The following SAMMSON variants were observed in gnomAD, a reference collection of about 807,000 sequenced individuals.
SAMMSON encodes long intergenic non-protein coding RNA 1212.
chr3:70,318,604 C>A (rs957122305), intron 7 of SAMMSON, among the ~76,000 whole-genome samples: 10 of 151,908 alleles, frequency 6.6e-5, no homozygotes, highest in African/African-American at 2.2e-4. Flanking sequence ...TTTCTGGCAA[C>A]TCCAACATCT....
intron 4 of SAMMSON, among the ~76,000 whole-genome samples, chr3:70,160,723 G>A (rs533636888): frequency 1.5e-4 from 23 of 151,974 alleles, no homozygotes; most frequent in East Asian, 7.8e-4. Flanking sequence ...TTCTGAAACC[G>A]CAACAAGGAA....
chr3:70,407,006 G>A (rs894164679), intron 2 of SAMMSON, among the ~76,000 whole-genome samples: 2 of 152,178 alleles, frequency 1.3e-5, no homozygotes, highest in Non-Finnish European at 2.9e-5. Context: ...ATGGTGGGAG[G>A]CGAAAGGCAC....
At chr3:70,136,840 A>AGTTTT (rs58221785) in intron 4 of SAMMSON, among the ~76,000 whole-genome samples, 149,817 of 152,196 alleles carry the variant, frequency 0.98, 73,787 homozygotes, top group East Asian at 1. Context: ...ATGTCATTGA[A>AGTTTT]GTTTTGATCT....
chr3:70,268,703 G>A (rs1028487529), intron 6 of SAMMSON, among the ~76,000 whole-genome samples: 6 of 152,072 alleles, frequency 3.9e-5, no homozygotes, highest in Non-Finnish European at 5.9e-5. Flanking sequence ...ATTTTTAAGA[G>A]CTTCTTTTTA....
At chr3:70,054,061 AC>A (rs1278886426) in intron 3 of SAMMSON, among the ~76,000 whole-genome samples, 1 of 152,134 alleles carries the variant, frequency 6.6e-6, no homozygotes, top group East Asian at 1.9e-4. Flanking sequence ...GCAAACACTT[AC>A]CATTTAATTT....
chr3:70,360,345 G>A (rs557105521), intron 9 of SAMMSON, among the ~76,000 whole-genome samples: 1 of 152,066 alleles, frequency 6.6e-6, no homozygotes, highest in African/African-American at 2.4e-5. Flanking sequence ...CAATAAGGAC[G>A]GGACCTTCTT....
At chr3:70,067,476 ATTCT>A (rs1336657153) in intron 3 of SAMMSON, among the ~76,000 whole-genome samples, 6 of 152,102 alleles carry the variant, frequency 3.9e-5, no homozygotes, top group Non-Finnish European at 5.9e-5. Context: ...TTGTACCAGA[ATTCT>A]TATATACCCC....
At chr3:70,390,274 T>A (rs2106756773), downstream of SAMMSON, among the ~76,000 whole-genome samples, 1 of 152,306 alleles carries the variant, frequency 6.6e-6, no homozygotes, top group African/African-American at 2.4e-5. Context: ...TTGATAGTTC[T>A]CATTGTTCCA....
rs182609434 is a variant in SAMMSON, at chr3:70,314,453, T to C, written n.739+23210T>C. Among the ~76,000 whole-genome samples, 188 of 152,274 alleles carry C rather than the reference T, an allele frequency of 1.2e-3. 3 individuals carry two copies. The highest frequency in any genetic ancestry group is 2.2e-4 in the Non-Finnish European group (15 of 68,016). ...AATTTCCTTAATAATTTAATCACTG[T>C]CTTTTGGAAAAGCAAATTATCTAAA... is the stretch of plus-strand genomic sequence containing the variant. On this transcript the variant is annotated intron_variant and non_coding_transcript_variant, in intron 7 of 9. Coordinates refer to ENST00000642114, the Ensembl canonical transcript of SAMMSON.
At chr3:70,290,655 T>C (rs1019615652) in intron 6 of SAMMSON, among the ~76,000 whole-genome samples, 4 of 152,124 alleles carry the variant, frequency 2.6e-5, no homozygotes, top group East Asian at 3.9e-4. Flanking sequence ...GCCCCTCCCC[T>C]AGCCTCGCTG....
intron 3 of SAMMSON, among the ~76,000 whole-genome samples, chr3:70,033,701 G>A (rs1403626191): frequency 6.6e-6 from 1 of 152,124 alleles, no homozygotes; most frequent in Non-Finnish European, 1.5e-5. Context: ...ATGAACTAGG[G>A]CAGGTCAGAT....
chr3:70,095,392 C>G (rs1443353673), intron 4 of SAMMSON, among the ~76,000 whole-genome samples: 3 of 152,176 alleles, frequency 2.0e-5, no homozygotes, highest in Non-Finnish European at 4.4e-5. Context: ...TAAATAAACT[C>G]AAGATTTTCC....
chr3:70,119,877 A>C (rs1365467837), intron 4 of SAMMSON, among the ~76,000 whole-genome samples: 1 of 152,240 alleles, frequency 6.6e-6, no homozygotes, highest in East Asian at 1.9e-4. Flanking sequence ...GAATTGTTAA[A>C]ATATCCATTT....
At chr3:70,244,401 G>A (rs1401044648) in intron 4 of SAMMSON, among the ~76,000 whole-genome samples, 2 of 152,176 alleles carry the variant, frequency 1.3e-5, no homozygotes, top group African/African-American at 4.8e-5. Context: ...TGTCAAAAGG[G>A]CATTCTATTT....
Position 70,038,081 on chromosome 3 carries a change from T to C in SAMMSON, n.417+24409T>C, listed in dbSNP as rs1559778256. ...TGTGATGGTTTTTTGTTAACTCCAT[T>C]CAAGAGGGGTCAGGAAACTTCTTGA... is the stretch of plus-strand genomic sequence containing the variant. On this transcript the variant is annotated intron_variant and non_coding_transcript_variant, in intron 3 of 9. Coordinates refer to ENST00000642114, the Ensembl canonical transcript of SAMMSON. Among the ~76,000 whole-genome samples, 3 of 152,270 alleles carry C rather than the reference T, an allele frequency of 2.0e-5. No homozygotes were observed. The East Asian group carries it at 5.8e-4, about 29-fold the overall frequency.
chr3:70,074,334 A>G (rs1430344392), intron 4 of SAMMSON, among the ~76,000 whole-genome samples: 5 of 152,084 alleles, frequency 3.3e-5, no homozygotes, highest in South Asian at 2.1e-4. Flanking sequence ...CCAAATTTCA[A>G]TGAGCCCCTT....
intron 6 of SAMMSON, among the ~76,000 whole-genome samples, chr3:70,278,981 A>G (rs1702055008): frequency 6.6e-6 from 1 of 151,648 alleles, no homozygotes; most frequent in African/African-American, 2.4e-5. Context: ...AAAACAGTGA[A>G]GTGGCTCTGA....
chr3:70,184,334 T>G (rs1472828025), intron 4 of SAMMSON: 1 of 152,206 alleles, frequency 6.6e-6, no homozygotes, highest in Non-Finnish European at 1.5e-5. Flanking sequence ...TGCCCTGTGA[T>G]TCTCTAAGAA....
chr3:70,359,985 A>T (rs1438551407), intron 9 of SAMMSON, among the ~76,000 whole-genome samples: 1 of 152,156 alleles, frequency 6.6e-6, no homozygotes, highest in African/African-American at 2.4e-5. Flanking sequence ...TTTTTACTAT[A>T]AAGATCAAAT....
Sources: allele counts gnomAD v4.1 joint callset (sites outside exome capture counted in the v4.1 genomes callset), GRCh38; gene constraint gnomAD v4.1.1; transcripts MANE v1.5; gene names NCBI Gene and HGNC (gene_info 2026-07-23, HGNC 2026-07-21).